PREX2: variants seen among roughly 807,000 people sequenced by gnomAD.
PREX2 encodes phosphatidylinositol 3,4,5-trisphosphate-dependent Rac exchanger 2 protein.
Under a neutral mutation model 203.2 loss-of-function variants are expected in PREX2, and 107 were observed. That is an observed-to-expected ratio of 0.53 (90% CI 0.45 to 0.62). The LOEUF (loss-of-function observed/expected upper bound fraction) is 0.62. Ranked by LOEUF, PREX2 falls within the 20% of genes least tolerant of loss-of-function variation. The pLI, the probability that PREX2 is intolerant of heterozygous loss-of-function variation, is 0.00. For synonymous variants in PREX2, 672 were observed against 663.6 expected, an observed-to-expected ratio of 1.01 and a Z score of -0.19; for missense variants, 1,777 against 1,955.9, an observed-to-expected ratio of 0.91 and a Z score of 1.72.
At chr8:68,132,900 T>C (rs1045563168) in intron 31 of PREX2, among the ~76,000 whole-genome samples, 1 of 152,230 alleles carries the variant, frequency 6.6e-6, no homozygotes, top group African/African-American at 2.4e-5. Flanking sequence ...GAACTCTGTG[T>C]GTTAGCTTCT....
At chr8:67,996,341 A>G (rs1031561893) in intron 1 of PREX2, among the ~76,000 whole-genome samples, 1 of 151,324 alleles carries the variant, frequency 6.6e-6, no homozygotes, top group African/African-American at 2.4e-5. Context: ...GACCACAGTC[A>G]TGCACCACCA....
At position 68,044,579 on chromosome 8, in the gene PREX2, A is replaced by T. The variant is rs1207413489; in HGVS notation, c.932A>T (p.Asp311Val). The T allele has an allele frequency of 6.2e-7, 1 of 1,611,272 alleles. No individual in the cohort carries two copies. Among genetic ancestry groups the T allele is most frequent in the African/African-American group, 1.3e-5 (1 of 74,812 alleles). Residue 311 changes from aspartate (D) to valine (V), a missense_variant, in exon 8 of 40, where the codon GAT becomes GTT. Asp to Val is a radical substitution (Grantham distance 152, BLOSUM62 -3). Transcript: ENST00000288368. ...NTEVMEVENVDDGTADFHSSG... is the reference protein window; with the variant it reads ...NTEVMEVENVVDGTADFHSSG... Reference sequence around the variant, plus strand: ...GAGGTGATGGAAGTGGAGAATGTGGATGATGGCACCGGTAAGTGATTTGTA... The same window carrying T: ...GAGGTGATGGAAGTGGAGAATGTGGTTGATGGCACCGGTAAGTGATTTGTA...
At chr8:68,128,205 A>G (rs945076413) in intron 31 of PREX2, among the ~76,000 whole-genome samples, 2 of 152,306 alleles carry the variant, frequency 1.3e-5, no homozygotes, top group Non-Finnish European at 2.9e-5. Context: ...AGATATATAG[A>G]TATGTTGAAT....
intron 37 of PREX2, among the ~76,000 whole-genome samples, chr8:68,202,985 G>A (rs570442731): frequency 1.6e-4 from 25 of 152,050 alleles, no homozygotes; most frequent in African/African-American, 5.6e-4. Flanking sequence ...TTTGTTCCAC[G>A]TGGGTCCCCA....
chr8:68,130,087 G>C (rs1810972935), intron 31 of PREX2, among the ~76,000 whole-genome samples: 2 of 139,748 alleles, frequency 1.4e-5, no homozygotes, highest in East Asian at 4.2e-4. Context: ...AGACCAGCCT[G>C]GATATCATAG....
At chr8:68,119,556 C>A in intron 28 of PREX2, 42 bp downstream of exon 28, 2 of 1,403,842 alleles carry the variant, frequency 1.4e-6, no homozygotes, top group Admixed American at 1.7e-5. Context: ...CACAACTAAA[C>A]TGTGAGGAGT....
In PREX2 at chr8:68,115,915, C is replaced by T. The variant is rs370948032; in HGVS notation, c.3309C>T (p.Ser1103=). ...AAGATTCTGGTCATGACACCATCAG[C>T]AACAGAGACTCTTACAGGTAATTCA... ...EQEDSGHDTI[S]NRDSYSDCNS... is the part of the protein sequence containing the mutation. The change falls in exon 26 of 40, where the codon AGC becomes AGT. Residue 1103 remains serine, a synonymous_variant. Transcript: ENST00000288368. 1.2e-5 allele frequency: 20 copies of T among 1,611,122 alleles called. No individual in the cohort carries two copies. The highest frequency in any genetic ancestry group is 1.5e-5 in the Non-Finnish European group (18 of 1,178,876).
intron 1 of PREX2, among the ~76,000 whole-genome samples, chr8:67,986,810 G>C (rs1806442060): frequency 1.3e-5 from 2 of 152,098 alleles, no homozygotes; most frequent in Admixed American, 1.3e-4. Flanking sequence ...AGTACTAATA[G>C]AGATAATGTC....
At chr8:68,187,935 A>C (rs1812223338) in intron 35 of PREX2, among the ~76,000 whole-genome samples, 3 of 152,212 alleles carry the variant, frequency 2.0e-5, no homozygotes, top group Admixed American at 1.3e-4. Context: ...GCAGAGCAAT[A>C]GGACATGAAT....
In PREX2 at chr8:68,147,046, C is replaced by T. The variant is rs193271639; in HGVS notation, c.4231+694C>T. Among the ~76,000 whole-genome samples the T allele has an allele frequency of 1.6e-4, 25 of 152,100 alleles. No individual in the cohort carries two copies. In the East Asian group the frequency reaches 1.9e-3, roughly 12 times the overall value. On this transcript the variant is annotated intron_variant, in intron 34 of 39. Transcript: ENST00000288368. ...AGATCAGAAGTCTTGATTATTGTGG[C>T]GTGTCCTCTAGTCTATTATTTCCCT...
chr8:67,981,424 C>T (rs747351542), intron 1 of PREX2, among the ~76,000 whole-genome samples: 3 of 152,138 alleles, frequency 2.0e-5, no homozygotes, highest in Non-Finnish European at 2.9e-5. Flanking sequence ...GCTATTTACC[C>T]TCTAATTGAG....
At chr8:68,048,017 A>G (rs1468653838) in intron 8 of PREX2, among the ~76,000 whole-genome samples, 2 of 152,092 alleles carry the variant, frequency 1.3e-5, no homozygotes, top group African/African-American at 4.8e-5. Context: ...TATGATGTGC[A>G]AAAGTGCAAA....
intron 8 of PREX2, among the ~76,000 whole-genome samples, chr8:68,050,144 A>G (rs1585738093): frequency 6.6e-6 from 1 of 152,142 alleles, no homozygotes; most frequent in Non-Finnish European, 1.5e-5. Flanking sequence ...TTTAAAAGGG[A>G]ACATTATTTC....
At chr8:68,070,851 G>A (rs889749294) in intron 13 of PREX2, among the ~76,000 whole-genome samples, 1 of 152,112 alleles carries the variant, frequency 6.6e-6, no homozygotes, top group African/African-American at 2.4e-5. Context: ...AGGTCCTGGA[G>A]GAGAAAGCAG....
chr8:68,093,651 A>C lies in PREX2; in HGVS notation c.2297A>C (p.Glu766Ala). ...TATAATAGCATTGAGAGTGCTCAAGAAGACCTTCAAAAATCTCACTCCAAG... is the reference window on the plus strand; with the variant it reads ...TATAATAGCATTGAGAGTGCTCAAGCAGACCTTCAAAAATCTCACTCCAAG... The part of the protein sequence containing the change: ...WVYNSIESAQ[E>A]DLQKSHSKPP... Residue 766 changes from glutamate (E) to alanine (A), a missense_variant, in exon 21 of 40, where the codon GAA (glutamate) becomes GCA (alanine). Glu to Ala is a moderately radical substitution (Grantham distance 107). Transcript: ENST00000288368. The C allele has an allele frequency of 3.1e-6, 5 of 1,611,892 alleles. No homozygotes were observed. The highest frequency in any genetic ancestry group is 4.2e-6 in the Non-Finnish European group (5 of 1,178,146).
At chr8:68,056,309 T>C (rs1189212914) in intron 10 of PREX2, among the ~76,000 whole-genome samples, 2 of 152,054 alleles carry the variant, frequency 1.3e-5, no homozygotes, top group Non-Finnish European at 2.9e-5. Flanking sequence ...GGCACAGACA[T>C]GTATACACAT....
chr8:68,144,931 C>A (rs1432564878), intron 33 of PREX2, among the ~76,000 whole-genome samples: 1 of 152,060 alleles, frequency 6.6e-6, no homozygotes, highest in African/African-American at 2.4e-5. Flanking sequence ...CTTTCAATAA[C>A]ATTATCCATT....
chr8:68,149,216 A>G (rs1265395977), intron 34 of PREX2, among the ~76,000 whole-genome samples: 2 of 152,174 alleles, frequency 1.3e-5, no homozygotes, highest in African/African-American at 4.8e-5. Flanking sequence ...GCCTCCATGG[A>G]TCACTGGGAA....
chr8:68,163,143 C>A (rs1213070891), intron 35 of PREX2, among the ~76,000 whole-genome samples: 6 of 151,264 alleles, frequency 4.0e-5, no homozygotes, highest in Non-Finnish European at 5.9e-5. Flanking sequence ...AGACAACATA[C>A]AAAAAAAAGA....
Sources: gnomAD v4.1 joint callset for allele counts (sites outside exome capture counted in the v4.1 genomes callset) on GRCh38, gnomAD v4.1.1 for gene constraint, MANE v1.5 for transcripts, NCBI Gene and HGNC (gene_info 2026-07-23, HGNC 2026-07-21) for gene names.